The following ST6GALNAC5 variants were observed in gnomAD, a reference collection of about 807,000 sequenced individuals.
ST6GALNAC5 encodes the protein alpha-N-acetylgalactosaminide alpha-2,6-sialyltransferase 5.
ST6GALNAC5 carries 27 observed loss-of-function variants against 33.6 expected under a neutral mutation model. The ratio of observed to expected loss-of-function variants is 0.80; its 90% CI spans 0.59 to 1.11. The LOEUF (loss-of-function observed/expected upper bound fraction) is 1.11. Among genes scored for constraint, ST6GALNAC5 ranks in the 50% least tolerant of loss-of-function variants. ST6GALNAC5 has a pLI of 0.00. For missense variants in ST6GALNAC5, 428 were observed against 454.0 expected (o/e 0.94, Z 0.52); for synonymous variants, 194 against 171.2 (o/e 1.13, Z -1.04).
chr1:76,982,624 C>T (rs775253874), intron 2 of ST6GALNAC5, among the ~76,000 whole-genome samples: 53 of 152,166 alleles, frequency 3.5e-4, no homozygotes, highest in Admixed American at 1.2e-3. Flanking sequence ...CCTAACCTAG[C>T]AAGGCAGGCC....
intron 2 of ST6GALNAC5, among the ~76,000 whole-genome samples, chr1:76,947,426 G>A (rs986280814): frequency 1.3e-5 from 2 of 151,926 alleles, no homozygotes; most frequent in African/African-American, 2.4e-5. Context: ...ACAACAAAAG[G>A]AACATTACAA....
At chr1:77,029,631 G>C (rs891301318) in intron 2 of ST6GALNAC5, among the ~76,000 whole-genome samples, 5 of 152,174 alleles carry the variant, frequency 3.3e-5, no homozygotes, top group Non-Finnish European at 7.3e-5. Context: ...CCATACTGTG[G>C]AAGGAAAGCA....
intron 2 of ST6GALNAC5, among the ~76,000 whole-genome samples, chr1:76,991,718 C>T (rs35143030): frequency 0.41 from 61,944 of 151,774 alleles, 13,322 homozygotes; most frequent in Non-Finnish European, 0.47. Flanking sequence ...TCTCAGCCCA[C>T]AGAACATAGC....
rs938521489 is a variant in ST6GALNAC5, at chr1:76,868,131, A to C, written c.16-366A>C. 6.6e-6 allele frequency among the ~76,000 whole-genome samples: 1 copy of C among 152,128 alleles called. No homozygotes were observed. Among genetic ancestry groups the C allele is most frequent in the African/African-American group, 2.4e-5 (1 of 41,432 alleles). Reference sequence around the variant, plus strand: ...GGGCCCCAGGAAAGGAGGGGTGTGAAGGACTCAAAATTCCAGCAGCTTGGC... The same window carrying C: ...GGGCCCCAGGAAAGGAGGGGTGTGACGGACTCAAAATTCCAGCAGCTTGGC... On this transcript the variant is annotated intron_variant, in intron 1 of 4. Transcript: ENST00000477717. This position sits in a 1 kb window ranked among gnomAD's most constrained non-coding sequence, Gnocchi z 4.3.
chr1:77,054,310 C>T (rs1652320752), intron 4 of ST6GALNAC5, among the ~76,000 whole-genome samples: 1 of 152,220 alleles, frequency 6.6e-6, no homozygotes, highest in Non-Finnish European at 1.5e-5. Flanking sequence ...GAAGTCCTTG[C>T]ATTCCACTGA....
At chr1:76,893,629 G>A (rs1654059409) in intron 2 of ST6GALNAC5, among the ~76,000 whole-genome samples, 1 of 152,082 alleles carries the variant, frequency 6.6e-6, no homozygotes, top group Non-Finnish European at 1.5e-5. Flanking sequence ...ATCAATAGAA[G>A]ACACTATCTA....
chr1:76,930,196 T>A (rs992725731), intron 2 of ST6GALNAC5, among the ~76,000 whole-genome samples: 3 of 152,154 alleles, frequency 2.0e-5, no homozygotes, highest in Admixed American at 2.0e-4. Flanking sequence ...TCATTCTTTG[T>A]CTTATCATCT....
intron 4 of ST6GALNAC5, among the ~76,000 whole-genome samples, chr1:77,053,810 C>T (rs530652904): frequency 1.3e-5 from 2 of 152,230 alleles, no homozygotes; most frequent in African/African-American, 4.8e-5. Context: ...TGCTCATTGG[C>T]GCATTTTACA....
Position 77,050,297 on chromosome 1 carries a change from A to T in ST6GALNAC5, c.711A>T (p.Thr237=), listed in dbSNP as rs143357043. The part of the protein sequence containing the change: ...SNTWLSTGWF[T]MTIALELCDR... Reference sequence around the variant, plus strand: ...CTTGGCTCAGCACTGGCTGGTTTACAATGACAATTGCACTGGAGCTCTGTG... The same window carrying T: ...CTTGGCTCAGCACTGGCTGGTTTACTATGACAATTGCACTGGAGCTCTGTG... The change falls in exon 4 of 5, where the codon ACA becomes ACT. Residue 237 remains threonine, a synonymous_variant. Coordinates refer to ENST00000477717, the MANE Select transcript of ST6GALNAC5 (RefSeq NM_030965.3). The T allele has an allele frequency of 1.2e-6, 2 of 1,614,118 alleles. No individual in the cohort carries two copies. Among genetic ancestry groups the T allele is most frequent in the Admixed American group, 3.3e-5 (2 of 60,024 alleles).
chr1:76,961,966 A>T (rs868595828), intron 2 of ST6GALNAC5, among the ~76,000 whole-genome samples: 2 of 152,204 alleles, frequency 1.3e-5, no homozygotes, highest in South Asian at 4.1e-4. Context: ...CCCACAGAAG[A>T]TGCTGAATAA....
intron 2 of ST6GALNAC5, among the ~76,000 whole-genome samples, chr1:77,016,359 C>T (rs570607355): frequency 2.7e-4 from 41 of 149,838 alleles, no homozygotes; most frequent in Admixed American, 5.4e-4. Flanking sequence ...TCTTGCTAGA[C>T]GGAAAAAATA....
intron 2 of ST6GALNAC5, among the ~76,000 whole-genome samples, chr1:76,956,160 C>A (rs1647959068): frequency 6.6e-6 from 1 of 151,966 alleles, no homozygotes; most frequent in Non-Finnish European, 1.5e-5. Context: ...ACTTTGAAAC[C>A]GGATATGATA....
At position 76,868,767 on chromosome 1, in the gene ST6GALNAC5, T is replaced by C. The variant is rs868319628; in HGVS notation, c.261+25T>C. 3.4e-6 allele frequency: 5 copies of C among 1,469,326 alleles called. No homozygotes were observed. Among genetic ancestry groups the C allele is most frequent in the Middle Eastern group, 1.8e-4 (1 of 5,658 alleles). The allele number at this position is 1,469,326 out of a possible 1,614,324, so 91.0% of individuals were successfully genotyped here. ...GGTGACAGCATGCCCGCCAGCCCGC[T>C]CGCCACTCAGCCTGGGGATCCCGCA... On this transcript the variant is annotated intron_variant, in intron 2 of 4. Coordinates refer to ENST00000477717, the MANE Select transcript of ST6GALNAC5 (RefSeq NM_030965.3). The surrounding 1 kb of genome is among the most constrained non-coding windows in gnomAD (Gnocchi z 4.3).
chr1:76,999,174 C>G (rs1459321355), intron 2 of ST6GALNAC5, among the ~76,000 whole-genome samples: 2 of 152,134 alleles, frequency 1.3e-5, no homozygotes, highest in African/African-American at 2.4e-5. Context: ...GAATAGGGGA[C>G]AGTAAGGGAT....
intron 2 of ST6GALNAC5, among the ~76,000 whole-genome samples, chr1:76,967,060 T>C (rs1039763034): frequency 1.3e-5 from 2 of 152,184 alleles, no homozygotes; most frequent in African/African-American, 2.4e-5. Context: ...AAAATTCTCT[T>C]TTTTTGTTGT....
At chr1:77,018,312 C>G (rs1196102508) in intron 2 of ST6GALNAC5, among the ~76,000 whole-genome samples, 1 of 152,144 alleles carries the variant, frequency 6.6e-6, no homozygotes, top group African/African-American at 2.4e-5. Context: ...AGAATCTTAA[C>G]AACAGTTAGA....
Position 77,013,374 on chromosome 1 carries a change from G to A in ST6GALNAC5, c.262-30830G>A, listed in dbSNP as rs545927867. Reference sequence around the variant, plus strand: ...GTGAAGTTAGAATTGTCAAGGAAAGGGGCTGATACTTCTCAAGTAATCAGG... The same window carrying A: ...GTGAAGTTAGAATTGTCAAGGAAAGAGGCTGATACTTCTCAAGTAATCAGG... On this transcript the variant is annotated intron_variant, in intron 2 of 4. Coordinates refer to ENST00000477717, the MANE Select transcript of ST6GALNAC5 (RefSeq NM_030965.3). Among the ~76,000 whole-genome samples, 50 of 152,296 alleles carry A rather than the reference G, an allele frequency of 3.3e-4. No individual in the cohort carries two copies. The South Asian group carries it at 9.7e-3, about 30-fold the overall frequency.
chr1:77,032,454 G>C (rs114458105), intron 2 of ST6GALNAC5, among the ~76,000 whole-genome samples: 1 of 152,098 alleles, frequency 6.6e-6, no homozygotes, highest in Admixed American at 6.6e-5. Context: ...AATGATTAAC[G>C]TCAACAGACA....
chr1:76,915,392 A>T (rs1464470376), intron 2 of ST6GALNAC5, among the ~76,000 whole-genome samples: 1 of 152,120 alleles, frequency 6.6e-6, no homozygotes, highest in African/African-American at 2.4e-5. Context: ...ACACATGCAC[A>T]CGTATGTTTA....
Sources: allele counts gnomAD v4.1 joint callset (sites outside exome capture counted in the v4.1 genomes callset), GRCh38; gene constraint gnomAD v4.1.1; non-coding constraint Gnocchi (gnomAD v3.1); transcripts MANE v1.5; gene names NCBI Gene and HGNC (gene_info 2026-07-23, HGNC 2026-07-21).